The following ADAMTSL3 variants were observed in gnomAD, a reference collection of about 807,000 sequenced individuals.
ADAMTSL3 encodes ADAMTS-like protein 3.
Under a neutral mutation model 201.7 loss-of-function variants are expected in ADAMTSL3, and 128 were observed. That is an observed-to-expected ratio of 0.63 (90% confidence interval 0.55 to 0.73). The LOEUF (loss-of-function observed/expected upper bound fraction) is 0.73, where lower values mean the gene tolerates loss of function less well. Among genes scored for constraint, ADAMTSL3 ranks in the 30% least tolerant of loss-of-function variants. The pLI, the probability that ADAMTSL3 is intolerant of heterozygous loss-of-function variation, is 0.00. For missense variants in ADAMTSL3, 1,990 were observed against 2,119.6 expected, an observed-to-expected ratio of 0.94 and a Z score of 1.20; for synonymous variants, 738 against 748.4, an observed-to-expected ratio of 0.99 and a Z score of 0.23.
intron 4 of ADAMTSL3, among the ~76,000 whole-genome samples, chr15:83,793,403 T>C (rs757859367): frequency 5.5e-4 from 84 of 152,226 alleles, no homozygotes; most frequent in Non-Finnish European, 2.5e-4. Flanking sequence ...AGTGTATAGA[T>C]ACTTGAAAAC....
intron 2 of ADAMTSL3, among the ~76,000 whole-genome samples, chr15:83,680,392 G>A (rs950289145): frequency 6.6e-6 from 1 of 151,918 alleles, no homozygotes; most frequent in Admixed American, 6.6e-5. Flanking sequence ...GGGCAAGGGG[G>A]ACATGAGTAT....
chr15:83,998,812 T>C (rs2067737350), intron 23 of ADAMTSL3, among the ~76,000 whole-genome samples: 2 of 152,274 alleles, frequency 1.3e-5, no homozygotes, highest in African/African-American at 4.8e-5. Context: ...GATAAGATCT[T>C]ACTGAAATAA....
chr15:83,781,244 A>T (rs947731088), intron 4 of ADAMTSL3, among the ~76,000 whole-genome samples: 3 of 152,218 alleles, frequency 2.0e-5, no homozygotes, highest in Non-Finnish European at 4.4e-5. Flanking sequence ...AAACATCATG[A>T]TACTGGTGCA....
chr15:83,805,928 A>G (rs2063596089), intron 5 of ADAMTSL3, among the ~76,000 whole-genome samples: 1 of 152,206 alleles, frequency 6.6e-6, no homozygotes, highest in Non-Finnish European at 1.5e-5. Flanking sequence ...TCCTTGCTAC[A>G]GGAGAACGCG....
intron 20 of ADAMTSL3, among the ~76,000 whole-genome samples, chr15:83,974,339 GTCTTTATACC>G (rs2142136490): frequency 6.6e-6 from 1 of 152,284 alleles, no homozygotes; most frequent in Non-Finnish European, 1.5e-5. Flanking sequence ...AATGAGAATA[GTCTTTATACC>G]TACCTCACGG....
At chr15:83,988,584 C>A in intron 21 of ADAMTSL3, 107 bp from the exon 22 acceptor site, 1 of 1,004,982 alleles carries the variant, frequency 1.0e-6, no homozygotes, top group Non-Finnish European at 1.4e-6. Flanking sequence ...GTGAGCTTTG[C>A]CAGCCCAAAG....
At chr15:83,972,746 C>G (rs750451228) in intron 20 of ADAMTSL3, among the ~76,000 whole-genome samples, 1 of 152,144 alleles carries the variant, frequency 6.6e-6, no homozygotes, top group African/African-American at 2.4e-5. Context: ...AATGCATGCT[C>G]CCAGCACAGC....
At chr15:83,795,420 T>A (rs1482377988) in intron 4 of ADAMTSL3, among the ~76,000 whole-genome samples, 1 of 152,126 alleles carries the variant, frequency 6.6e-6, no homozygotes, top group African/African-American at 2.4e-5. Context: ...TGGGATTTGA[T>A]CATCTCAAAA....
intron 6 of ADAMTSL3, among the ~76,000 whole-genome samples, chr15:83,823,972 T>TCTTCTTCTTCTTCTTCTTCTCCTC (rs1567170062): frequency 2.8e-5 from 2 of 71,106 alleles, no homozygotes; most frequent in East Asian, 3.9e-4. Flanking sequence ...TTCTTCTTCT[T>TCTTCTTCTTCTTCTTCTTCTCCTC]CTCCTCCTCC....
At chr15:83,879,319 A>G (rs901310977) in intron 9 of ADAMTSL3, among the ~76,000 whole-genome samples, 4 of 152,006 alleles carry the variant, frequency 2.6e-5, no homozygotes, top group African/African-American at 9.7e-5. Context: ...TTTTTTTCCT[A>G]AACTTCTTGA....
intron 4 of ADAMTSL3, among the ~76,000 whole-genome samples, chr15:83,792,808 T>A (rs1596218622): frequency 6.9e-6 from 1 of 145,790 alleles, no homozygotes; most frequent in African/African-American, 2.5e-5. Context: ...AAAAAAAAAA[T>A]CATATGATCC....
intron 13 of ADAMTSL3, among the ~76,000 whole-genome samples, chr15:83,894,690 C>A (rs1256335559): frequency 6.6e-6 from 1 of 151,968 alleles, no homozygotes; most frequent in Admixed American, 6.5e-5. Context: ...TTACACTATT[C>A]TACTTCTCTC....
Position 83,913,042 on chromosome 15 carries a change from A to G in ADAMTSL3, c.1701-50A>G, listed in dbSNP as rs772328609. The G allele has an allele frequency of 3.2e-5, 50 of 1,579,922 alleles. No homozygotes were observed. In the South Asian group the frequency reaches 4.5e-4, roughly 14 times the overall value. On this transcript the variant is annotated intron_variant, in intron 15 of 29. Transcript: ENST00000286744. ...TGTCACTCCTCCTTTTCTGGCCTAT[A>G]TTTAATGACCCTCAGTGTCCTTTTC... is the stretch of plus-strand genomic sequence containing the variant.
chr15:83,748,347 T>C (rs577852788), intron 3 of ADAMTSL3, among the ~76,000 whole-genome samples: 2 of 152,078 alleles, frequency 1.3e-5, no homozygotes, highest in Non-Finnish European at 2.9e-5. Context: ...TGCTAGTTCT[T>C]AGGGATACAG....
At position 83,764,089 on chromosome 15, in the gene ADAMTSL3, G is replaced by C. The variant is rs1171716025; in HGVS notation, c.190-9434G>C. Among the ~76,000 whole-genome samples, 5 of 152,272 alleles carry C rather than the reference G, an allele frequency of 3.3e-5. No individual in the cohort carries two copies. In the South Asian group the frequency reaches 8.3e-4, roughly 25 times the overall value. On this transcript the variant is annotated intron_variant, in intron 3 of 29. Transcript: ENST00000286744. ...TAACATCTCCTTTCTTCCTGCATCT[G>C]GTCAGCTGCCAGCTCCTATTGATTC...
At chr15:83,706,843 G>A (rs1193937294) in intron 3 of ADAMTSL3, among the ~76,000 whole-genome samples, 2 of 149,058 alleles carry the variant, frequency 1.3e-5, no homozygotes, top group Non-Finnish European at 3.0e-5. Flanking sequence ...TTTTTTGTCT[G>A]TATTTTGTAG....
chr15:84,025,622 G>T (rs2068292060), intron 27 of ADAMTSL3, 186 bp downstream of exon 27: 2 of 596,134 alleles, frequency 3.4e-6, no homozygotes, highest in Non-Finnish European at 5.6e-6. Context: ...CTGTCTTCCA[G>T]TACAAAAGTG....
chr15:83,848,731 C>A (rs954838168), intron 7 of ADAMTSL3, among the ~76,000 whole-genome samples: 3 of 152,306 alleles, frequency 2.0e-5, no homozygotes, highest in African/African-American at 7.2e-5. Flanking sequence ...TTTTAATTGT[C>A]TTAATTATAG....
chr15:83,955,939 G>C (rs2066853355), intron 19 of ADAMTSL3, among the ~76,000 whole-genome samples: 1 of 151,896 alleles, frequency 6.6e-6, no homozygotes, highest in Non-Finnish European at 1.5e-5. Context: ...GTGTCACTAG[G>C]TCACACACTG....
Sources: allele counts gnomAD v4.1 joint callset (sites outside exome capture counted in the v4.1 genomes callset), GRCh38; gene constraint gnomAD v4.1.1; transcripts MANE v1.5; gene names NCBI Gene and HGNC (gene_info 2026-07-23, HGNC 2026-07-21).